PDE12: variants seen among roughly 807,000 people sequenced by gnomAD.
The protein encoded by PDE12 is phosphodiesterase 12, also known as 2',5'-phosphodiesterase 12.
In PDE12, 26 loss-of-function variants were observed where a neutral mutation model predicts 45.4. That is an observed-to-expected ratio of 0.57 (90% CI 0.42 to 0.79). The LOEUF (loss-of-function observed/expected upper bound fraction) is 0.79, where lower values mean the gene tolerates loss of function less well. Ranked by LOEUF, PDE12 falls within the 30% of genes least tolerant of loss-of-function variation. The pLI is 0.00. For missense variants in PDE12, 668 were observed against 790.0 expected (o/e 0.85, Z 1.85); for synonymous variants, 283 against 323.9 (o/e 0.87, Z 1.36).
At chr3:57,609,932 AAAAG>A in the PDE12 span, among the ~76,000 whole-genome samples, 2 of 152,152 alleles carry the variant, frequency 1.3e-5, no homozygotes. Context: ...ACACAACAAA[AAAAG>A]AGAATTTTAG....
chr3:57,590,701 CA>C, the PDE12 span, among the ~76,000 whole-genome samples: 1 of 151,914 alleles, frequency 6.6e-6, no homozygotes, highest in Non-Finnish European at 1.5e-5. Context: ...TTTTTTGAGA[CA>C]GGGTCTCGAT....
At chr3:57,598,819 C>A in the PDE12 span, among the ~76,000 whole-genome samples, 2 of 152,054 alleles carry the variant, frequency 1.3e-5, no homozygotes, top group African/African-American at 4.8e-5. Flanking sequence ...CCAAAAACTT[C>A]TTTACTCAGA....
chr3:57,572,366 C>G, the PDE12 span: 6 of 1,162,608 alleles, frequency 5.2e-6, no homozygotes, highest in Non-Finnish European at 7.6e-6. Context: ...TTTAAACTTT[C>G]TTAATCAAAC....
the PDE12 span, among the ~76,000 whole-genome samples, chr3:57,637,523 C>A: frequency 6.6e-6 from 1 of 152,004 alleles, no homozygotes; most frequent in Non-Finnish European, 1.5e-5. Context: ...ATTTTACTGA[C>A]CCTGCCAGAT....
the PDE12 span, among the ~76,000 whole-genome samples, chr3:57,601,084 T>C: frequency 6.6e-6 from 1 of 152,134 alleles, no homozygotes; most frequent in Admixed American, 6.5e-5. Flanking sequence ...ACTCATAACA[T>C]ACTACACTAG....
At position 57,563,811 on chromosome 3, in the gene PDE12, G is replaced by A. The variant is rs572888389; in HGVS notation, c.*3807G>A. ...AGGCCAGAGGATCACTTGAGCCCAT[G>A]AGGTCAAGCCTGCAGTGAGTTGTGA... is the stretch of plus-strand genomic sequence containing the variant. On this transcript the variant is annotated 3_prime_UTR_variant, in exon 3 of 3. Coordinates refer to ENST00000311180, the MANE Select transcript of PDE12 (RefSeq NM_177966.7). 6.6e-6 allele frequency: 1 copy of A among 152,334 alleles called. No homozygotes were observed. The highest frequency in any genetic ancestry group is 2.1e-4 in the South Asian group (1 of 4,820). 9.4% of individuals were successfully genotyped at this position (152,334 alleles called of 1,614,324 possible). A position where few individuals can be genotyped will look rare whatever the true frequency, so the allele number is the denominator to read the frequency against.
the PDE12 span, chr3:57,575,544 T>C: frequency 2.5e-6 from 4 of 1,609,534 alleles, no homozygotes; most frequent in East Asian, 6.7e-5. Flanking sequence ...CTCCAAATAC[T>C]TACTGTTCTG....
At chr3:57,609,912 G>C in the PDE12 span, among the ~76,000 whole-genome samples, 7 of 151,964 alleles carry the variant, frequency 4.6e-5, no homozygotes, top group African/African-American at 1.5e-4. Context: ...GATACCAAAG[G>C]CTGGCAGAGA....
At chr3:57,596,998 A>G in the PDE12 span, 7 of 1,450,448 alleles carry the variant, frequency 4.8e-6, no homozygotes, top group African/African-American at 9.9e-5. Context: ...GAGGAAAAAA[A>G]CAGGCCCAGA....
Position 57,562,116 on chromosome 3 carries a change from C to T in PDE12, c.*2112C>T. ...TTCAAAGAAAGATGTTGATAGAACC[C>T]TTAGAGTGACTTGGGAGAAAACAAA... On this transcript the variant is annotated 3_prime_UTR_variant, in exon 3 of 3. Transcript: ENST00000311180. The T allele has an allele frequency of 1.0e-6, 1 of 981,304 alleles. No homozygotes were observed. The highest frequency in any genetic ancestry group is 4.7e-5 in the South Asian group (1 of 21,192). 60.8% of individuals were successfully genotyped at this position (981,304 alleles called of 1,614,324 possible). A position where few individuals can be genotyped will look rare whatever the true frequency, so the allele number is the denominator to read the frequency against.
chr3:57,606,069 T>C, the PDE12 span, among the ~76,000 whole-genome samples: 2 of 152,094 alleles, frequency 1.3e-5, no homozygotes, highest in African/African-American at 2.4e-5. Flanking sequence ...GAAAAAAATA[T>C]GTTAAGAAAT....
the PDE12 span, among the ~76,000 whole-genome samples, chr3:57,579,486 C>A: frequency 2.0e-5 from 3 of 151,826 alleles, no homozygotes; most frequent in Non-Finnish European, 4.4e-5. Flanking sequence ...TGAGATTTTA[C>A]TATGTTGGCC....
the PDE12 span, chr3:57,628,332 C>T: frequency 5.6e-6 from 9 of 1,613,668 alleles, no homozygotes; most frequent in East Asian, 2.2e-5. Context: ...TAAGTGCTCT[C>T]GATCAGCCTG....
the PDE12 span, among the ~76,000 whole-genome samples, chr3:57,612,408 A>C: frequency 6.6e-6 from 1 of 152,170 alleles, no homozygotes; most frequent in Non-Finnish European, 1.5e-5. Flanking sequence ...AAAGATGTAT[A>C]TACCTTAAAG....
chr3:57,614,526 T>G, the PDE12 span, among the ~76,000 whole-genome samples: 1 of 141,536 alleles, frequency 7.1e-6, no homozygotes, highest in Non-Finnish European at 1.5e-5. Flanking sequence ...GTAATCCGTT[T>G]TTTTTTTTTT....
the PDE12 span, among the ~76,000 whole-genome samples, chr3:57,599,339 A>G: frequency 6.6e-6 from 1 of 152,190 alleles, no homozygotes; most frequent in Non-Finnish European, 1.5e-5. Flanking sequence ...GGTTGGCCCT[A>G]AGCAGTTCCC....
chr3:57,612,109 G>A, the PDE12 span, among the ~76,000 whole-genome samples: 1 of 151,892 alleles, frequency 6.6e-6, no homozygotes, highest in African/African-American at 2.4e-5. Context: ...GATGAAGCTG[G>A]AAACCATCAT....
At chr3:57,581,168 A>G in the PDE12 span, among the ~76,000 whole-genome samples, 3 of 152,222 alleles carry the variant, frequency 2.0e-5, no homozygotes, top group Admixed American at 6.5e-5. Context: ...GTTTGTTAGT[A>G]TAAGTTAGAA....
chr3:57,655,281 C>A, the PDE12 span, among the ~76,000 whole-genome samples: 1 of 152,230 alleles, frequency 6.6e-6, no homozygotes, highest in Non-Finnish European at 1.5e-5. Context: ...GATCCGCCCG[C>A]CTCGGCCTCC....
Sources: allele counts gnomAD v4.1 joint callset (sites outside exome capture counted in the v4.1 genomes callset), GRCh38; gene constraint gnomAD v4.1.1; transcripts MANE v1.5; gene names NCBI Gene and HGNC (gene_info 2026-07-23, HGNC 2026-07-21).